Variants in SH3PXD2B observed in about 807,000 individuals in gnomAD.
SH3PXD2B encodes the protein SH3 and PX domains 2B.
Under a neutral mutation model 73.1 loss-of-function variants are expected in SH3PXD2B, and 37 were observed. The observed-to-expected ratio is 0.51, with a 90% CI of 0.39 to 0.67. The LOEUF (loss-of-function observed/expected upper bound fraction) is 0.67. Among genes scored for constraint, SH3PXD2B ranks in the 30% least tolerant of loss-of-function variants. The probability of loss-of-function intolerance (pLI) is 0.00; values close to 1 mark genes in which losing one functional copy is unlikely to be tolerated. For synonymous variants in SH3PXD2B, 457 were observed against 480.5 expected, an observed-to-expected ratio of 0.95 and a Z score of 0.64; for missense variants, 1,053 against 1,197.8, an observed-to-expected ratio of 0.88 and a Z score of 1.78.
chr5:172,425,670 G>C (rs1759079547), intron 1 of SH3PXD2B, among the ~76,000 whole-genome samples: 2 of 152,052 alleles, frequency 1.3e-5, no homozygotes, highest in Non-Finnish European at 2.9e-5. Flanking sequence ...GCAGGCCACA[G>C]AGAAGCGTCT....
Position 172,346,360 on chromosome 5 carries a change from A to G in SH3PXD2B, c.1063-99T>C, listed in dbSNP as rs952798873. The G allele has an allele frequency of 1.7e-5, 26 of 1,574,996 alleles. No individual in the cohort carries two copies. The South Asian group carries it at 1.9e-4, about 11-fold the overall frequency. On this transcript the variant is annotated intron_variant, in intron 11 of 12. Coordinates refer to ENST00000311601, the MANE Select transcript of SH3PXD2B (RefSeq NM_001017995.3). ...GGGCCTGGGGCATGCAATCACCCTT[A>G]AGGGGGTGCTGGGGACCTAGTTGGA...
chr5:172,435,234 G>C (rs1407141141), intron 1 of SH3PXD2B, among the ~76,000 whole-genome samples: 2 of 152,140 alleles, frequency 1.3e-5, no homozygotes, highest in Non-Finnish European at 2.9e-5. Context: ...AGGTATAGTA[G>C]ACAGCTAAAA....
At chr5:172,327,752 G>GTT (rs3053146) in intron 12 of SH3PXD2B, among the ~76,000 whole-genome samples, 22 of 142,430 alleles carry the variant, frequency 1.5e-4, no homozygotes, top group African/African-American at 2.7e-4. Context: ...CTGCAACTGG[G>GTT]TTTTTTTTTT....
rs1756763518 is a variant in SH3PXD2B at position 172,338,688 on chromosome 5, G to T, written c.2417C>A (p.Pro806His). The T allele has an allele frequency of 3.7e-6, 6 of 1,614,088 alleles. 1 individual carries two copies. In the South Asian group the frequency reaches 5.5e-5, roughly 15 times the overall value. Residue 806 changes from proline (P) to histidine (H), a missense_variant, in exon 13 of 13, where the codon CCT becomes CAT. Physicochemically the swap from Pro to His is moderately conservative, Grantham distance 77 (BLOSUM62 -2). This residue lies in a region of SH3PXD2B where 587 missense variants were observed against 590.7 expected (regional missense o/e 0.99). Coordinates refer to ENST00000311601, the MANE Select transcript of SH3PXD2B (RefSeq NM_001017995.3). This position sits in a 1 kb window ranked among gnomAD's most constrained non-coding sequence, Gnocchi z 5.1. Reference sequence around the variant, plus strand: ...GCCCCCCAAAGAGTTGGAGAGAAAAGGTTTGGCTTTTGGAGGGACGAGGAG... The same window carrying T: ...GCCCCCCAAAGAGTTGGAGAGAAAATGTTTGGCTTTTGGAGGGACGAGGAG... Reference protein sequence around the residue: ...RALLVPPKAKPFLSNSLGGQD... With the variant: ...RALLVPPKAKHFLSNSLGGQD...
intron 6 of SH3PXD2B, among the ~76,000 whole-genome samples, chr5:172,366,373 A>G (rs1236222258): frequency 1.3e-5 from 2 of 152,130 alleles, no homozygotes; most frequent in East Asian, 1.9e-4. Flanking sequence ...TGCTTGCTCA[A>G]AAATGCTACT....
In SH3PXD2B at chr5:172,337,000, T is replaced by C; in HGVS notation, c.*1369A>G. The C allele has an allele frequency of 1.0e-6, 1 of 985,544 alleles. No individual in the cohort carries two copies. Among genetic ancestry groups the C allele is most frequent in the Non-Finnish European group, 1.2e-6 (1 of 829,988 alleles). 61.0% of individuals were successfully genotyped at this position (985,544 alleles called of 1,614,324 possible). Reference sequence around the variant, plus strand: ...GTTACCTGCCTCCCTATGGGACCGCTGCATGCTATGCTCAGAGCCCTCCAG... The same window carrying C: ...GTTACCTGCCTCCCTATGGGACCGCCGCATGCTATGCTCAGAGCCCTCCAG... On this transcript the variant is annotated 3_prime_UTR_variant, in exon 13 of 13. Transcript: ENST00000311601.
chr5:172,362,285 C>A (rs1446933107), intron 7 of SH3PXD2B, among the ~76,000 whole-genome samples: 2 of 152,114 alleles, frequency 1.3e-5, no homozygotes, highest in Non-Finnish European at 1.5e-5. Flanking sequence ...ACATTCTGTC[C>A]CAGACCCAGC....
At chr5:172,346,327 G>T in intron 11 of SH3PXD2B, 66 bp from the exon 12 acceptor site, 1 of 1,608,672 alleles carries the variant, frequency 6.2e-7, no homozygotes, top group East Asian at 2.2e-5. Context: ...GTGTCAGGGG[G>T]AGTCTAAGGG....
At chr5:172,360,559 C>G (rs115536240) in intron 7 of SH3PXD2B, among the ~76,000 whole-genome samples, 1 of 152,196 alleles carries the variant, frequency 6.6e-6, no homozygotes. Context: ...TGGCTAGGTA[C>G]AGTGGCTCAC....
In SH3PXD2B at chr5:172,334,000, T is replaced by G; in HGVS notation, c.*4369A>C. 8.4e-7 allele frequency: 1 copy of G among 1,193,502 alleles called. No individual in the cohort carries two copies. Among genetic ancestry groups the G allele is most frequent in the Non-Finnish European group, 1.1e-6 (1 of 949,176 alleles). The allele number at this position is 1,193,502 out of a possible 1,614,324, so 73.9% of individuals were successfully genotyped here. A position where few individuals can be genotyped will look rare whatever the true frequency, so the allele number is the denominator to read the frequency against. On this transcript the variant is annotated 3_prime_UTR_variant, in exon 13 of 13. Transcript: ENST00000311601. ...GTAAGCCTGGTGGGGGCACCTTCTT[T>G]TTTACATGAATAGGACATCTAAAAG...
intron 12 of SH3PXD2B, among the ~76,000 whole-genome samples, chr5:172,341,005 C>T (rs945840026): frequency 1.3e-5 from 2 of 152,126 alleles, no homozygotes; most frequent in African/African-American, 4.8e-5. Context: ...TCATCGTGTC[C>T]CTACTTCCCT....
At chr5:172,410,475 C>T (rs532741350) in intron 2 of SH3PXD2B, among the ~76,000 whole-genome samples, 1 of 152,120 alleles carries the variant, frequency 6.6e-6, no homozygotes, top group Admixed American at 6.5e-5. Context: ...AATGCCAGCA[C>T]ATAGTAGATG....
At chr5:172,424,919 A>G (rs1354653516) in intron 1 of SH3PXD2B, among the ~76,000 whole-genome samples, 3 of 152,142 alleles carry the variant, frequency 2.0e-5, no homozygotes, top group African/African-American at 7.2e-5. Flanking sequence ...TGCCTACCCC[A>G]TCCCTGCTCA....
chr5:172,451,210 C>T (rs1020258270), intron 1 of SH3PXD2B, among the ~76,000 whole-genome samples: 1 of 152,216 alleles, frequency 6.6e-6, no homozygotes, highest in Non-Finnish European at 1.5e-5. Context: ...ACATCTACAG[C>T]ACCTGTGACC....
At position 172,350,407 on chromosome 5, in the gene SH3PXD2B, C is replaced by G. The variant is rs1335953042; in HGVS notation, c.968G>C (p.Gly323Ala). ...GGGCACCGGGCGGCCTTCAAACCGC[C>G]CGTCCCTCTGGCTGCTGAGCAGCTC... is the stretch of plus-strand genomic sequence containing the variant. ...EKELLSSQRDGRFEGRPVPDG... is the reference protein window; with the variant it reads ...EKELLSSQRDARFEGRPVPDG... Residue 323 changes from glycine (G) to alanine (A), a missense_variant, in exon 10 of 13, where the codon GGG becomes GCG. Physicochemically the swap from Gly to Ala is moderately conservative, Grantham distance 60 (BLOSUM62 0). Around this residue, in one of 2 missense-constraint regions of SH3PXD2B, gnomAD observed 466 missense variants for 607.1 expected, o/e 0.77. Transcript: ENST00000311601. 3 of 1,613,974 alleles carry G rather than the reference C, an allele frequency of 1.9e-6. No homozygotes were observed. In the South Asian group the frequency reaches 3.3e-5, roughly 18 times the overall value.
intron 4 of SH3PXD2B, among the ~76,000 whole-genome samples, chr5:172,387,911 G>A (rs1758092925): frequency 6.6e-6 from 1 of 150,784 alleles, no homozygotes. Context: ...AAAACATTTT[G>A]TAATATTGCC....
At chr5:172,436,692 T>C (rs1055709180) in intron 1 of SH3PXD2B, among the ~76,000 whole-genome samples, 2 of 152,222 alleles carry the variant, frequency 1.3e-5, no homozygotes, top group African/African-American at 4.8e-5. Flanking sequence ...GGAGCAAATA[T>C]GCTGTCTCTC....
intron 1 of SH3PXD2B, among the ~76,000 whole-genome samples, chr5:172,433,887 T>C (rs1759309099): frequency 6.6e-6 from 1 of 152,206 alleles, no homozygotes; most frequent in South Asian, 2.1e-4. Context: ...GTTCACTGAA[T>C]GTTGCCCAAC....
intron 1 of SH3PXD2B, among the ~76,000 whole-genome samples, chr5:172,453,558 T>G (rs1401954503): frequency 6.6e-6 from 1 of 152,202 alleles, no homozygotes; most frequent in Non-Finnish European, 1.5e-5. Flanking sequence ...CTGCAACCTC[T>G]GAGCCTCAGC....
Sources: gnomAD v4.1 joint callset for allele counts (sites outside exome capture counted in the v4.1 genomes callset) on GRCh38, gnomAD v4.1.1 for gene constraint, gnomAD v4.1.1 regional missense constraint, Gnocchi (gnomAD v3.1) non-coding constraint, MANE v1.5 for transcripts, NCBI Gene and HGNC (gene_info 2026-07-23, HGNC 2026-07-21) for gene names.